The following SPON1 variants were observed in gnomAD, a reference collection of about 807,000 sequenced individuals.
SPON1 encodes spondin-1.
Under a neutral mutation model 111.7 loss-of-function variants are expected in SPON1, and 52 were observed. The ratio of observed to expected loss-of-function variants is 0.47; its 90% CI spans 0.37 to 0.59. The LOEUF (loss-of-function observed/expected upper bound fraction) is 0.59. Ranked by LOEUF, SPON1 falls within the 20% of genes least tolerant of loss-of-function variation. SPON1 has a pLI of 0.00. For synonymous variants in SPON1, 410 were observed against 395.8 expected, an observed-to-expected ratio of 1.04 and a Z score of -0.43; for missense variants, 957 against 1,068.5, an observed-to-expected ratio of 0.90 and a Z score of 1.46.
intron 6 of SPON1, among the ~76,000 whole-genome samples, chr11:14,167,052 G>C (rs1274553737): frequency 2.6e-5 from 4 of 151,906 alleles, no homozygotes; most frequent in Non-Finnish European, 2.9e-5. Context: ...TTATAATACT[G>C]ATAACATATA....
intron 5 of SPON1, among the ~76,000 whole-genome samples, chr11:14,098,198 G>A (rs1397108985): frequency 2.6e-5 from 4 of 152,128 alleles, no homozygotes; most frequent in Admixed American, 6.5e-5. Flanking sequence ...GGGTTTCACC[G>A]TGTTAGCCAG....
chr11:14,059,369 A>G (rs1454582105), intron 3 of SPON1, among the ~76,000 whole-genome samples: 1 of 152,158 alleles, frequency 6.6e-6, no homozygotes, highest in Non-Finnish European at 1.5e-5. Context: ...AATAAAGCAA[A>G]GTCAAAATGT....
chr11:14,044,162 T>A (rs1848651770), intron 3 of SPON1, among the ~76,000 whole-genome samples: 1 of 124,784 alleles, frequency 8.0e-6, no homozygotes. Context: ...TTTTATTTAT[T>A]TTTTCTCTGA....
intron 7 of SPON1, among the ~76,000 whole-genome samples, chr11:14,250,353 T>A (rs1849039521): frequency 1.3e-5 from 2 of 151,810 alleles, no homozygotes; most frequent in Admixed American, 1.3e-4. Flanking sequence ...ATTTTCTATT[T>A]GACTCTGGGT....
At chr11:14,013,050 C>T (rs1848417967) in intron 2 of SPON1, among the ~76,000 whole-genome samples, 1 of 152,180 alleles carries the variant, frequency 6.6e-6, no homozygotes, top group Non-Finnish European at 1.5e-5. Context: ...ACGGCAACCT[C>T]ATCTTCTAAA....
intron 6 of SPON1, among the ~76,000 whole-genome samples, chr11:14,138,518 G>T (rs757491189): frequency 1.1e-4 from 17 of 152,250 alleles, no homozygotes; most frequent in Non-Finnish European, 1.6e-4. Context: ...CCCTTTCGTG[G>T]AAGGACAAAG....
At chr11:14,262,540 A>G in intron 14 of SPON1, 172 bp from the exon 15 acceptor site, 5 of 797,310 alleles carry the variant, frequency 6.3e-6, no homozygotes, top group South Asian at 1.8e-5. Context: ...TACCAACCAC[A>G]CGGGCTGAAG....
intron 6 of SPON1, among the ~76,000 whole-genome samples, chr11:14,237,979 T>G (rs2133915882): frequency 6.6e-6 from 1 of 152,326 alleles, no homozygotes; most frequent in East Asian, 1.9e-4. Context: ...GACTGAGGTC[T>G]AAACTCTAGC....
At chr11:14,165,520 C>T (rs905986360) in intron 6 of SPON1, among the ~76,000 whole-genome samples, 2 of 152,156 alleles carry the variant, frequency 1.3e-5, no homozygotes, top group African/African-American at 4.8e-5. Flanking sequence ...TATAGTTTTA[C>T]TACAGTGTTT....
intron 6 of SPON1, among the ~76,000 whole-genome samples, chr11:14,212,861 T>G (rs1338466116): frequency 6.6e-6 from 1 of 152,188 alleles, no homozygotes; most frequent in Non-Finnish European, 1.5e-5. Flanking sequence ...TAATCGAATG[T>G]CTGAGCATCA....
chr11:14,110,780 G>A (rs1554925388), intron 5 of SPON1, among the ~76,000 whole-genome samples: 2 of 152,284 alleles, frequency 1.3e-5, no homozygotes, highest in East Asian at 1.9e-4. Context: ...TGGCTCAAAT[G>A]TCAGTTTCCT....
chr11:14,190,876 T>C (rs1848339890), intron 6 of SPON1, among the ~76,000 whole-genome samples: 1 of 151,986 alleles, frequency 6.6e-6, no homozygotes, highest in Non-Finnish European at 1.5e-5. Flanking sequence ...CCTGACCTCA[T>C]GATCTACCCA....
intron 3 of SPON1, among the ~76,000 whole-genome samples, chr11:14,066,727 C>T (rs782155033): frequency 2.3e-4 from 35 of 152,176 alleles, no homozygotes; most frequent in Non-Finnish European, 3.1e-4. Flanking sequence ...TTTACAGCCA[C>T]ATCTCTGGGA....
intron 5 of SPON1, among the ~76,000 whole-genome samples, chr11:14,130,507 A>G (rs925028164): frequency 6.6e-6 from 1 of 152,146 alleles, no homozygotes; most frequent in Non-Finnish European, 1.5e-5. Flanking sequence ...TTGTGCTTAC[A>G]TAATTTAGTT....
At chr11:14,210,569 T>G (rs546711934) in intron 6 of SPON1, among the ~76,000 whole-genome samples, 26 of 152,056 alleles carry the variant, frequency 1.7e-4, no homozygotes, top group African/African-American at 5.8e-4. Flanking sequence ...CTGGCTAATT[T>G]TTATAGTTTT....
intron 6 of SPON1, among the ~76,000 whole-genome samples, chr11:14,220,958 G>A (rs1848674019): frequency 6.6e-6 from 1 of 152,176 alleles, no homozygotes; most frequent in Non-Finnish European, 1.5e-5. Flanking sequence ...GAATGGCCCT[G>A]ACCTTGAAAT....
At chr11:14,160,568 TA>T (rs1847911420) in intron 6 of SPON1, among the ~76,000 whole-genome samples, 1 of 30,614 alleles carries the variant, frequency 3.3e-5, no homozygotes, top group Non-Finnish European at 5.3e-5. Context: ...TTTATATATA[TA>T]TTTATATATA....
Position 13,962,929 on chromosome 11 carries a change from A to T in SPON1, c.25A>T (p.Lys9Ter). 1 of 1,563,256 alleles carries T rather than the reference A, an allele frequency of 6.4e-7. No homozygotes were observed. The highest frequency in any genetic ancestry group is 8.6e-7 in the Non-Finnish European group (1 of 1,158,310). The change falls in exon 1 of 16, where the codon AAG becomes TAG. Residue 9 changes from lysine (K) to a stop codon, truncating the protein, a stop_gained. Transcript: ENST00000576479. LOFTEE classifies it high-confidence loss of function. MRLSPAPL[K>*]LSRTPALLAL... ...GATGAGGCTGTCCCCGGCGCCCCTG[A>T]AGCTGAGCCGGACTCCGGCACTGCT... is the stretch of plus-strand genomic sequence containing the variant.
At chr11:14,161,651 A>G (rs925176271) in intron 6 of SPON1, among the ~76,000 whole-genome samples, 8 of 152,024 alleles carry the variant, frequency 5.3e-5, no homozygotes, top group Non-Finnish European at 1.0e-4. Context: ...GTTGGGCAAA[A>G]TTATCAAACA....
Sources: allele counts gnomAD v4.1 joint callset (sites outside exome capture counted in the v4.1 genomes callset), GRCh38; gene constraint gnomAD v4.1.1; transcripts MANE v1.5; gene names NCBI Gene and HGNC (gene_info 2026-07-23, HGNC 2026-07-21).